MEN1: variants seen among roughly 807,000 people sequenced by gnomAD.
The protein encoded by MEN1 is menin 1, also known as menin.
MEN1 carries 6 observed loss-of-function variants against 58.0 expected under a neutral mutation model. That is an observed-to-expected ratio of 0.10 (90% CI 0.06 to 0.20). The LOEUF is 0.20. Among genes scored for constraint, MEN1 ranks in the 10% least tolerant of loss-of-function variants. The pLI is 1.00. For missense variants in MEN1, 492 were observed against 818.5 expected, an observed-to-expected ratio of 0.60 and a Z score of 4.87; for synonymous variants, 346 against 350.7, an observed-to-expected ratio of 0.99 and a Z score of 0.15.
In MEN1 at chr11:64,805,665, C is replaced by G; in HGVS notation, c.1155G>C (p.Ala385=). Residue 385 remains alanine, a synonymous_variant, in exon 8 of 10, where the codon GCG becomes GCC. Transcript: ENST00000450708. ...LLKEAASLLE[A]GEERPGEQSQ... is the part of the protein sequence containing the mutation. ...TTTGCTCCCCCGGCCGCTCCTCGCC[C>G]GCCTCCAGCAAGCTGGCTGCCTCCT... 1 of 1,614,116 alleles carries G rather than the reference C, an allele frequency of 6.2e-7. No individual in the cohort carries two copies. The highest frequency in any genetic ancestry group is 8.5e-7 in the Non-Finnish European group (1 of 1,180,006).
intron 1 of MEN1, 61 bp from the exon 2 acceptor site, chr11:64,810,193 G>C (rs1942038391): frequency 9.3e-7 from 1 of 1,076,038 alleles, no homozygotes; most frequent in African/African-American, 1.6e-5. Flanking sequence ...CTCCTCCCAG[G>C]GTCCGCTAAG....
chr11:64,804,254 G>A lies in MEN1; in HGVS notation c.*80C>T, dbSNP rs1274602417. On this transcript the variant is annotated 3_prime_UTR_variant, in exon 10 of 10. Coordinates refer to ENST00000450708, the MANE Select transcript of MEN1 (RefSeq NM_001370259.2). The surrounding 1 kb of genome is among the most constrained non-coding windows in gnomAD (Gnocchi z 4.2). ...AGGTGAGGCCTGTCCCCTTTGGGCT[G>A]GGGGCAGAACATGGGCTCAGAGTTG... 1.1e-5 allele frequency: 18 copies of A among 1,593,096 alleles called. No homozygotes were observed. The Admixed American group carries it at 1.2e-4, about 10-fold the overall frequency.
chr11:64,806,820 C>T (rs925463875), intron 6 of MEN1, among the ~76,000 whole-genome samples, 191 bp downstream of exon 6: 1 of 152,216 alleles, frequency 6.6e-6, no homozygotes, highest in Non-Finnish European at 1.5e-5. Flanking sequence ...CTGCCACTCC[C>T]AGGCTGGGGA....
In MEN1 at chr11:64,804,142, T is replaced by G; in HGVS notation, c.*192A>C. ...GAGAAGAGACCTATATTCTAACGAC[T>G]GGGGCAGAGCCCTGGGTTCTGAGCT... On this transcript the variant is annotated 3_prime_UTR_variant, in exon 10 of 10. Coordinates refer to ENST00000450708, the MANE Select transcript of MEN1 (RefSeq NM_001370259.2). The surrounding 1 kb of genome is among the most constrained non-coding windows in gnomAD (Gnocchi z 4.2). The G allele has an allele frequency of 5.9e-6, 4 of 681,686 alleles. No individual in the cohort carries two copies. The allele number at this position is 681,686 out of a possible 1,614,324, so 42.2% of individuals were successfully genotyped here.
At chr11:64,805,868 G>A (rs747641640) in intron 7 of MEN1, 98 bp from the exon 8 acceptor site, 5 of 1,241,504 alleles carry the variant, frequency 4.0e-6, no homozygotes, top group Admixed American at 1.7e-5. Context: ...AGGGGCTGGG[G>A]GAGTAGGTGG....
Position 64,807,754 on chromosome 11 carries a change from A to G in MEN1, c.655-74T>C. 6.2e-7 allele frequency: 1 copy of G among 1,612,696 alleles called. No individual in the cohort carries two copies. Among genetic ancestry groups the G allele is most frequent in the Non-Finnish European group, 8.5e-7 (1 of 1,179,148 alleles). ...CTGCTTCAGGGAATGACAGCCAGGAAAAGGGGCTCTTCTGTCTTCCCTTCC... is the reference window on the plus strand; with the variant it reads ...CTGCTTCAGGGAATGACAGCCAGGAGAAGGGGCTCTTCTGTCTTCCCTTCC... On this transcript the variant is annotated intron_variant, in intron 3 of 9. Coordinates refer to ENST00000450708, the MANE Select transcript of MEN1 (RefSeq NM_001370259.2). This position sits in a 1 kb window ranked among gnomAD's most constrained non-coding sequence, Gnocchi z 4.9.
At chr11:64,810,616 G>A (rs1942065059), upstream of MEN1, 1 of 157,444 alleles carries the variant, frequency 6.4e-6, no homozygotes, top group African/African-American at 2.4e-5. Context: ...CCGGGAAGTG[G>A]AGTCTGGGCC....
Position 64,810,115 on chromosome 11 carries a change from C to T in MEN1, c.-6G>A, listed in dbSNP as rs768088337. 269 of 883,092 alleles carry T rather than the reference C, an allele frequency of 3.0e-4. No homozygotes were observed. Among genetic ancestry groups the T allele is most frequent in the Non-Finnish European group, 3.2e-4 (214 of 673,896 alleles). The allele number at this position is 883,092 out of a possible 1,614,324, so 54.7% of individuals were successfully genotyped here. A position where few individuals can be genotyped will look rare whatever the true frequency, so the allele number is the denominator to read the frequency against. On this transcript the variant is annotated 5_prime_UTR_variant, in exon 2 of 10. Transcript: ENST00000450708. ...TGGGCGGCCTTCAGCCCCATGGCGGCGGGCGGTGGGCGGCGGCCTGCAAGG... is the reference window on the plus strand; with the variant it reads ...TGGGCGGCCTTCAGCCCCATGGCGGTGGGCGGTGGGCGGCGGCCTGCAAGG...
chr11:64,806,072 AG>A, intron 7 of MEN1, 159 bp downstream of exon 7: 1 of 896,082 alleles, frequency 1.1e-6, no homozygotes, highest in Non-Finnish European at 1.7e-6. Flanking sequence ...CACCTTAATC[AG>A]GGTCCCTACC....
chr11:64,806,183 TGGAGGGG>T (rs1565643508), intron 7 of MEN1, 42 bp downstream of exon 7: 1 of 1,611,368 alleles, frequency 6.2e-7, no homozygotes, highest in South Asian at 1.1e-5. Flanking sequence ...TGGAAACTGA[TGGAGGGG>T]AAGAAAGGAC....
chr11:64,808,762 G>A (rs1166151363), intron 2 of MEN1, among the ~76,000 whole-genome samples: 5 of 151,640 alleles, frequency 3.3e-5, no homozygotes, highest in Admixed American at 6.6e-5. Flanking sequence ...TGGCTAACAT[G>A]GTGAAACCTC....
At position 64,807,752 on chromosome 11, in the gene MEN1, G is replaced by C; in HGVS notation, c.655-72C>G. ...GCCTGCTTCAGGGAATGACAGCCAGGAAAAGGGGCTCTTCTGTCTTCCCTT... is the reference window on the plus strand; with the variant it reads ...GCCTGCTTCAGGGAATGACAGCCAGCAAAAGGGGCTCTTCTGTCTTCCCTT... On this transcript the variant is annotated intron_variant, in intron 3 of 9. Coordinates refer to ENST00000450708, the MANE Select transcript of MEN1 (RefSeq NM_001370259.2). The surrounding 1 kb of genome is among the most constrained non-coding windows in gnomAD (Gnocchi z 4.9). The C allele has an allele frequency of 6.2e-7, 1 of 1,612,644 alleles. No individual in the cohort carries two copies. The highest frequency in any genetic ancestry group is 8.5e-7 in the Non-Finnish European group (1 of 1,179,172).
rs367833286 is a variant in MEN1 at position 64,808,685 on chromosome 11, C to T, written c.446-586G>A. Among the ~76,000 whole-genome samples the T allele has an allele frequency of 1.5e-4, 23 of 152,342 alleles. 1 individual carries two copies. In the South Asian group the frequency reaches 4.8e-3, roughly 32 times the overall value. On this transcript the variant is annotated intron_variant, in intron 2 of 9. Coordinates refer to ENST00000450708, the MANE Select transcript of MEN1 (RefSeq NM_001370259.2). ...TTTTGACCAGGTGCGGTGGCTCACG[C>T]CTGTAATCCCAGCACTTTGGGAGGC...
intron 2 of MEN1, among the ~76,000 whole-genome samples, chr11:64,808,990 C>T (rs113814322): frequency 0.017 from 2,579 of 148,052 alleles, 61 homozygotes; most frequent in African/African-American, 0.059. Context: ...CCACCAGTTG[C>T]GGTGGCTCAC....
rs780844361 is a variant in MEN1, at chr11:64,804,548, G to A, written c.1619C>T (p.Pro540Leu). 2 of 1,613,490 alleles carry A rather than the reference G, an allele frequency of 1.2e-6. No homozygotes were observed. Among genetic ancestry groups the A allele is most frequent in the Admixed American group, 1.7e-5 (1 of 60,012 alleles). Residue 540 changes from proline to leucine, a missense_variant, in exon 10 of 10, where the codon CCC (proline) becomes CTC (leucine). Pro to Leu is a moderately conservative substitution (Grantham distance 98). Coordinates refer to ENST00000450708, the MANE Select transcript of MEN1 (RefSeq NM_001370259.2). This position sits in a 1 kb window ranked among gnomAD's most constrained non-coding sequence, Gnocchi z 4.2. Reference protein sequence around the residue: ...EGGSTAQVPAPTASPPPEGPV... With the variant: ...EGGSTAQVPALTASPPPEGPV... ...ACCCTCCGGCGGTGGTGATGCTGTGGGTGCTGGCACCTGAGCCGTGCTGCC... is the reference window on the plus strand; with the variant it reads ...ACCCTCCGGCGGTGGTGATGCTGTGAGTGCTGGCACCTGAGCCGTGCTGCC...
chr11:64,809,033 G>C (rs1207180), intron 2 of MEN1, among the ~76,000 whole-genome samples: 1 of 151,760 alleles, frequency 6.6e-6, no homozygotes. Flanking sequence ...AGACTGAGGC[G>C]GGCAGATCAC....
At chr11:64,806,411 AG>A (rs780198533) in intron 6 of MEN1, 43 bp from the exon 7 acceptor site, 1 of 1,612,842 alleles carries the variant, frequency 6.2e-7, no homozygotes, top group South Asian at 1.1e-5. Flanking sequence ...AGGCAGCCCC[AG>A]CTGCCCTGCT....
chr11:64,806,958 T>G, intron 6 of MEN1, 53 bp downstream of exon 6: 1 of 1,547,224 alleles, frequency 6.5e-7, no homozygotes, highest in East Asian at 2.2e-5. Context: ...TGAGGGCCCC[T>G]GCCTCAGCCA....
chr11:64,808,496 T>C (rs1437236543), intron 2 of MEN1, among the ~76,000 whole-genome samples: 1 of 152,216 alleles, frequency 6.6e-6, no homozygotes, highest in Non-Finnish European at 1.5e-5. Context: ...AACCCTCATT[T>C]ATCTCTGCAC....
Sources: gnomAD v4.1 joint callset for allele counts (sites outside exome capture counted in the v4.1 genomes callset) on GRCh38, gnomAD v4.1.1 for gene constraint, Gnocchi (gnomAD v3.1) non-coding constraint, MANE v1.5 for transcripts, NCBI Gene and HGNC (gene_info 2026-07-23, HGNC 2026-07-21) for gene names.